MBD3: variants seen among roughly 807,000 people sequenced by gnomAD.
The protein encoded by MBD3 is methyl-CpG binding domain protein 3, also known as methyl-CpG-binding domain protein 3.
MBD3 carries 13 observed loss-of-function variants against 31.2 expected under a neutral mutation model. The observed-to-expected ratio is 0.42, with a 90% CI of 0.27 to 0.66. MBD3 has a LOEUF of 0.66. MBD3 is among the 30% of genes least tolerant of loss of function. The pLI, the probability that MBD3 is intolerant of heterozygous loss-of-function variation, is 0.26. For synonymous variants in MBD3, 223 were observed against 187.4 expected, an observed-to-expected ratio of 1.19 and a Z score of -1.55; for missense variants, 440 against 426.5, an observed-to-expected ratio of 1.03 and a Z score of -0.28.
rs1248470448 is a variant in MBD3, at chr19:1,585,209, C to T, written c.116G>A (p.Ser39Asn). The change falls in exon 2 of 7, where the codon AGC (serine) becomes AAC (asparagine). Residue 39 changes from serine to asparagine, a missense_variant. By Grantham distance (46) the Ser-to-Asn change is conservative. Around this residue, in one of 3 missense-constraint regions of MBD3, gnomAD observed 179 missense variants for 134.7 expected, o/e 1.33. Transcript: ENST00000434436. This position sits in a 1 kb window ranked among gnomAD's most constrained non-coding sequence, Gnocchi z 4.1. ...CGGCTTGCTGCGGAACTTCTTCCCG[C>T]TCGGGCTGCGGGGAGGCGGGACGGT... ...GHRDVFYYSPSGKKFRSKPQL... is the reference protein window; with the variant it reads ...GHRDVFYYSPNGKKFRSKPQL... 1.3e-6 allele frequency: 2 copies of T among 1,594,232 alleles called. No individual in the cohort carries two copies. The highest frequency in any genetic ancestry group is 3.4e-5 in the Admixed American group (2 of 58,730).
At chr19:1,582,037 G>A (rs1019532495) in intron 4 of MBD3, among the ~76,000 whole-genome samples, 3 of 152,150 alleles carry the variant, frequency 2.0e-5, no homozygotes, top group Non-Finnish European at 4.4e-5. Context: ...AGAGTGTTGG[G>A]ATTACAGGCG....
chr19:1,577,568 C>T lies in MBD3; in HGVS notation c.*596G>A, dbSNP rs767763384. The T allele has an allele frequency of 5.9e-5, 9 of 152,244 alleles. No homozygotes were observed. The highest frequency in any genetic ancestry group is 1.0e-4 in the Non-Finnish European group (7 of 68,070). 9.4% of individuals were successfully genotyped at this position (152,244 alleles called of 1,614,324 possible). A position where few individuals can be genotyped will look rare whatever the true frequency, so the allele number is the denominator to read the frequency against. ...GGGAAGGCTGCCCGATGACGTGCCT[C>T]GACTGTGTTACATTTACTGAAGGAG... On this transcript the variant is annotated 3_prime_UTR_variant, in exon 7 of 7. Transcript: ENST00000434436.
rs193185412 is a variant in MBD3, at chr19:1,577,758, G to C, written c.*406C>G. On this transcript the variant is annotated 3_prime_UTR_variant, in exon 7 of 7. Coordinates refer to ENST00000434436, the MANE Select transcript of MBD3 (RefSeq NM_001281453.2). ...TGTGAGTTTCAAAACTACGCCTCCAGACCGAGAAACCCTCCCAGCTGTCAG... is the reference window on the plus strand; with the variant it reads ...TGTGAGTTTCAAAACTACGCCTCCACACCGAGAAACCCTCCCAGCTGTCAG... 37 of 169,312 alleles carry C rather than the reference G, an allele frequency of 2.2e-4. No individual in the cohort carries two copies. The East Asian group carries it at 3.9e-3, about 18-fold the overall frequency. The allele number at this position is 169,312 out of a possible 1,614,324, so 10.5% of individuals were successfully genotyped here.
Position 1,581,276 on chromosome 19 carries a change from G to T in MBD3, c.500-7C>A, listed in dbSNP as rs1157074192. The T allele has an allele frequency of 1.9e-6, 3 of 1,604,894 alleles. No individual in the cohort carries two copies. The African/African-American group carries it at 4.0e-5, about 21-fold the overall frequency. Reference sequence around the variant, plus strand: ...GTGCAGCCAGGTCCCACCCCTGCCAGGCAGTGGACAAACAGCCGCAAGTGG... The same window carrying T: ...GTGCAGCCAGGTCCCACCCCTGCCATGCAGTGGACAAACAGCCGCAAGTGG... On this transcript the variant is annotated splice_region_variant and splice_polypyrimidine_tract_variant and intron_variant, in intron 4 of 6. Transcript: ENST00000434436.
At chr19:1,582,098 C>T (rs2060655082) in intron 4 of MBD3, among the ~76,000 whole-genome samples, 1 of 152,070 alleles carries the variant, frequency 6.6e-6, no homozygotes. Context: ...GATGGGGTCT[C>T]ACTATGTTGT....
At chr19:1,584,452 G>A in intron 3 of MBD3, 88 bp downstream of exon 3, 1 of 1,569,202 alleles carries the variant, frequency 6.4e-7, no homozygotes, top group South Asian at 1.1e-5. Flanking sequence ...CACTACGTCC[G>A]CTCCACGTAC....
At chr19:1,580,947 G>T in intron 5 of MBD3, 145 bp downstream of exon 5, 1 of 1,045,168 alleles carries the variant, frequency 9.6e-7, no homozygotes. Flanking sequence ...TCCGACGATG[G>T]GTCCCCTTGC....
At position 1,575,011 on chromosome 19, in the gene MBD3, C is replaced by T. The variant is rs1219639834; in HGVS notation, c.*3153G>A. 3 of 358,718 alleles carry T rather than the reference C, an allele frequency of 8.4e-6. No individual in the cohort carries two copies. Among genetic ancestry groups the T allele is most frequent in the East Asian group, 9.1e-5 (1 of 10,950 alleles). 22.2% of individuals were successfully genotyped at this position (358,718 alleles called of 1,614,324 possible). ...GTGGTCCGTGTGGCTGGGCCGAGGG[C>T]TGGGAGGTGCATCCTCGCCACGGGG... On this transcript the variant is annotated 3_prime_UTR_variant, in exon 7 of 7. Coordinates refer to ENST00000434436, the MANE Select transcript of MBD3 (RefSeq NM_001281453.2).
rs1917187240 is a variant in MBD3 at position 1,576,222 on chromosome 19, C to T, written c.*1942G>A. On this transcript the variant is annotated 3_prime_UTR_variant, in exon 7 of 7. Transcript: ENST00000434436. Reference sequence around the variant, plus strand: ...GATGAGGGGAGGGTGGCCTCCCAGCCTTCAGGTCCAGAAAGCAGCTTCCAG... The same window carrying T: ...GATGAGGGGAGGGTGGCCTCCCAGCTTTCAGGTCCAGAAAGCAGCTTCCAG... 6.6e-6 allele frequency: 1 copy of T among 152,414 alleles called. No homozygotes were observed. Among genetic ancestry groups the T allele is most frequent in the Non-Finnish European group, 1.5e-5 (1 of 68,244 alleles). 9.4% of individuals were successfully genotyped at this position (152,414 alleles called of 1,614,324 possible).
At position 1,576,804 on chromosome 19, in the gene MBD3, G is replaced by A. The variant is rs1456514417; in HGVS notation, c.*1360C>T. On this transcript the variant is annotated 3_prime_UTR_variant, in exon 7 of 7. Transcript: ENST00000434436. ...TCCCAGCCAGTGGGCACCAACCTCA[G>A]GAAGACGTGGTCCCCACCTGGAGCT... 6.6e-6 allele frequency: 1 copy of A among 151,640 alleles called. No individual in the cohort carries two copies. Among genetic ancestry groups the A allele is most frequent in the Non-Finnish European group, 1.5e-5 (1 of 68,094 alleles). 9.4% of individuals were successfully genotyped at this position (151,640 alleles called of 1,614,324 possible).
rs1915542204 is a variant in MBD3 at position 1,575,038 on chromosome 19, T to TCCTGAG, written c.*3120_*3125dup. 2.8e-6 allele frequency: 1 copy of TCCTGAG among 352,512 alleles called. No individual in the cohort carries two copies. The highest frequency in any genetic ancestry group is 3.3e-5 in the Admixed American group (1 of 30,170). 21.8% of individuals were successfully genotyped at this position (352,512 alleles called of 1,614,324 possible). A position where few individuals can be genotyped will look rare whatever the true frequency, so the allele number is the denominator to read the frequency against. The stretch of plus-strand genomic sequence containing the variant: ...GGGAGGTGCATCCTCGCCACGGGGG[T>TCCTGAG]CCTGAGCCTCTCCTCCCTGGTACCC... On this transcript the variant is annotated 3_prime_UTR_variant, in exon 7 of 7. Coordinates refer to ENST00000434436, the MANE Select transcript of MBD3 (RefSeq NM_001281453.2).
At chr19:1,587,960 TGTCAGAC>T in intron 1 of MBD3, among the ~76,000 whole-genome samples, 1 of 152,230 alleles carries the variant, frequency 6.6e-6, no homozygotes, top group South Asian at 2.1e-4. Flanking sequence ...AGATGCCAGA[TGTCAGAC>T]AACTGAGACA....
At chr19:1,583,559 A>G (rs1386868720) in intron 3 of MBD3, among the ~76,000 whole-genome samples, 1 of 152,028 alleles carries the variant, frequency 6.6e-6, no homozygotes, top group Non-Finnish European at 1.5e-5. Context: ...GAAAAAAAAT[A>G]AATAAATACA....
Position 1,574,012 on chromosome 19 carries a change from G to A in MBD3, c.*4152C>T, listed in dbSNP as rs1027031684. ...AGCGAAACTCCATGCCGAAGAAGAA[G>A]AAGAAAAAAAAGTACACAATTCTGG... On this transcript the variant is annotated 3_prime_UTR_variant, in exon 7 of 7. Coordinates refer to ENST00000434436, the MANE Select transcript of MBD3 (RefSeq NM_001281453.2). The A allele has an allele frequency of 1.3e-5, 2 of 150,332 alleles. No individual in the cohort carries two copies. The highest frequency in any genetic ancestry group is 2.5e-5 in the African/African-American group (1 of 40,732). The allele number at this position is 150,332 out of a possible 1,614,324, so 9.3% of individuals were successfully genotyped here.
Position 1,581,462 on chromosome 19 carries a change from G to T in MBD3, c.500-193C>A, listed in dbSNP as rs914179585. On this transcript the variant is annotated intron_variant, in intron 4 of 6. Transcript: ENST00000434436. ...CATAACAGAAAAAAAAGCAAGTTAG[G>T]CCAGGCGTGGCGACTCCCGCCTGTA... 9.3e-6 allele frequency: 6 copies of T among 647,046 alleles called. No individual in the cohort carries two copies. The African/African-American group carries it at 1.1e-4, about 12-fold the overall frequency. 40.1% of individuals were successfully genotyped at this position (647,046 alleles called of 1,614,324 possible).
chr19:1,588,638 G>A (rs1030292849), intron 1 of MBD3, among the ~76,000 whole-genome samples: 5 of 151,902 alleles, frequency 3.3e-5, no homozygotes, highest in Non-Finnish European at 5.9e-5. Context: ...AAAATTGGCC[G>A]GGCACAGTGG....
Position 1,578,217 on chromosome 19 carries a change from C to T in MBD3, c.*6-59G>A. On this transcript the variant is annotated intron_variant, in intron 6 of 6. Transcript: ENST00000434436. The surrounding 1 kb of genome is among the most constrained non-coding windows in gnomAD (Gnocchi z 6.1). ...TCCACGGGACGGGGACGCTTGGGCT[C>T]TTCTAGGGAGATGGGAAGCTCTTGG... The T allele has an allele frequency of 1.3e-6, 2 of 1,505,298 alleles. No homozygotes were observed. Among genetic ancestry groups the T allele is most frequent in the Non-Finnish European group, 1.8e-6 (2 of 1,104,386 alleles). The allele number at this position is 1,505,298 out of a possible 1,614,324, so 93.2% of individuals were successfully genotyped here.
chr19:1,589,658 AAATAAAT>A (rs1184269247), intron 1 of MBD3, among the ~76,000 whole-genome samples: 3 of 152,076 alleles, frequency 2.0e-5, no homozygotes, highest in Non-Finnish European at 4.4e-5. Context: ...TTCTCAAAAT[AAATAAAT>A]AATAATGAAC....
At chr19:1,583,908 A>G in intron 3 of MBD3, among the ~76,000 whole-genome samples, 1 of 151,390 alleles carries the variant, frequency 6.6e-6, no homozygotes, top group African/African-American at 2.4e-5. Context: ...TGCAACCTCC[A>G]CCTCCCGGGT....
Sources: allele counts gnomAD v4.1 joint callset (sites outside exome capture counted in the v4.1 genomes callset), GRCh38; gene constraint gnomAD v4.1.1; regional missense constraint gnomAD v4.1.1; non-coding constraint Gnocchi (gnomAD v3.1); transcripts MANE v1.5; gene names NCBI Gene and HGNC (gene_info 2026-07-23, HGNC 2026-07-21).